Variants in SPOCK3 observed in about 807,000 individuals in gnomAD.
SPOCK3 encodes the protein testican-3.
SPOCK3 carries 30 observed loss-of-function variants against 56.6 expected under a neutral mutation model. The ratio of observed to expected loss-of-function variants is 0.53; its 90% CI spans 0.40 to 0.72. The LOEUF (loss-of-function observed/expected upper bound fraction) is 0.72, where lower values mean the gene tolerates loss of function less well. Ranked by LOEUF, SPOCK3 falls within the 30% of genes least tolerant of loss-of-function variation. The pLI is 0.00. For missense variants in SPOCK3, 527 were observed against 530.0 expected (o/e 0.99, Z 0.06); for synonymous variants, 196 against 183.3 (o/e 1.07, Z -0.56).
chr4:167,211,919 A>T (rs1239568859), intron 2 of SPOCK3, among the ~76,000 whole-genome samples: 1 of 152,218 alleles, frequency 6.6e-6, no homozygotes, highest in Non-Finnish European at 1.5e-5. Context: ...ATAAAACAGA[A>T]ACTTCAAGAC....
intron 7 of SPOCK3, among the ~76,000 whole-genome samples, chr4:166,783,679 G>A (rs1216097346): frequency 6.6e-6 from 1 of 152,030 alleles, no homozygotes; most frequent in Non-Finnish European, 1.5e-5. Context: ...TTCAAGGACT[G>A]CAGTCCTTGA....
intron 3 of SPOCK3, among the ~76,000 whole-genome samples, chr4:167,046,475 T>TA (rs1554025284): frequency 2.3e-5 from 3 of 133,156 alleles, no homozygotes; most frequent in Middle Eastern, 3.6e-3. Context: ...TTTTTTTTTT[T>TA]AACAAAGTCT....
intron 2 of SPOCK3, among the ~76,000 whole-genome samples, chr4:167,070,670 A>G (rs1756583692): frequency 6.6e-6 from 1 of 152,008 alleles, no homozygotes; most frequent in Non-Finnish European, 1.5e-5. Context: ...GAAATAGGTT[A>G]TATATTATGG....
intron 2 of SPOCK3, among the ~76,000 whole-genome samples, chr4:167,138,746 C>T (rs1300241934): frequency 6.6e-6 from 1 of 151,500 alleles, no homozygotes; most frequent in Admixed American, 6.6e-5. Flanking sequence ...GAAAAGATAC[C>T]CTAAAAAATG....
intron 4 of SPOCK3, among the ~76,000 whole-genome samples, chr4:166,931,337 T>TGGGGGGGG (rs34413695): frequency 9.6e-6 from 1 of 104,504 alleles, no homozygotes; most frequent in African/African-American, 3.7e-5. Flanking sequence ...GTGTGGGGGG[T>TGGGGGGGG]GGGGGGGCAA....
intron 3 of SPOCK3, 144 bp downstream of exon 3, chr4:167,062,348 A>C (rs35612453): frequency 2.0e-6 from 1 of 502,834 alleles, no homozygotes; most frequent in East Asian, 3.1e-5. Flanking sequence ...CTGAAATGTA[A>C]GTAATTATTG....
chr4:166,913,986 T>C (rs930485451), intron 4 of SPOCK3, among the ~76,000 whole-genome samples: 6 of 151,710 alleles, frequency 4.0e-5, no homozygotes, highest in African/African-American at 1.5e-4. Context: ...TAGTGAGAGA[T>C]AAAACAATGA....
intron 3 of SPOCK3, among the ~76,000 whole-genome samples, chr4:167,033,988 C>T (rs1385184491): frequency 2.0e-5 from 3 of 151,984 alleles, no homozygotes; most frequent in Non-Finnish European, 2.9e-5. Context: ...CTTCAGAGTC[C>T]TATCCCACAG....
intron 2 of SPOCK3, among the ~76,000 whole-genome samples, chr4:167,194,517 C>G (rs972468461): frequency 1.4e-4 from 22 of 152,274 alleles, no homozygotes; most frequent in Admixed American, 9.8e-4. Flanking sequence ...ATCCACGTAG[C>G]CTTTCACTGG....
At chr4:167,084,641 G>T (rs1184465236) in intron 2 of SPOCK3, among the ~76,000 whole-genome samples, 2 of 152,028 alleles carry the variant, frequency 1.3e-5, no homozygotes, top group East Asian at 3.9e-4. Flanking sequence ...TAGGAAGTGG[G>T]AAGTCTGGGA....
At chr4:167,159,620 A>T (rs1765111494) in intron 2 of SPOCK3, among the ~76,000 whole-genome samples, 1 of 152,172 alleles carries the variant, frequency 6.6e-6, no homozygotes, top group Admixed American at 6.6e-5. Flanking sequence ...TCCCTGATGA[A>T]CATTGATGCA....
chr4:166,929,884 T>G (rs1349025172), intron 4 of SPOCK3, among the ~76,000 whole-genome samples: 1 of 152,046 alleles, frequency 6.6e-6, no homozygotes, highest in Non-Finnish European at 1.5e-5. Context: ...ATTATATGTA[T>G]AATGTTTGCA....
At chr4:167,136,967 C>T (rs547488029) in intron 2 of SPOCK3, among the ~76,000 whole-genome samples, 4 of 152,106 alleles carry the variant, frequency 2.6e-5, no homozygotes. Context: ...TCCTGTGGCA[C>T]CTCAGTTCTC....
intron 6 of SPOCK3, among the ~76,000 whole-genome samples, chr4:166,805,394 C>T (rs1273004362): frequency 6.6e-6 from 1 of 151,822 alleles, no homozygotes; most frequent in Non-Finnish European, 1.5e-5. Flanking sequence ...GTTTTCTTTC[C>T]TACTTGATGG....
At chr4:166,880,582 A>T (rs1733585294) in intron 6 of SPOCK3, among the ~76,000 whole-genome samples, 1 of 152,172 alleles carries the variant, frequency 6.6e-6, no homozygotes, top group Non-Finnish European at 1.5e-5. Flanking sequence ...CCTTAAAAAC[A>T]CTGTGTCCAA....
chr4:167,101,196 T>C (rs1759607707), intron 2 of SPOCK3, among the ~76,000 whole-genome samples: 1 of 152,136 alleles, frequency 6.6e-6, no homozygotes, highest in Admixed American at 6.5e-5. Context: ...CCATCTGACT[T>C]CTCAAGAACT....
At chr4:167,098,474 T>C (rs949425603) in intron 2 of SPOCK3, among the ~76,000 whole-genome samples, 1 of 152,160 alleles carries the variant, frequency 6.6e-6, no homozygotes, top group African/African-American at 2.4e-5. Context: ...CCATCTAATC[T>C]ATCTATTATT....
chr4:167,191,478 C>T lies in SPOCK3; in HGVS notation c.189+42507G>A, dbSNP rs1172463535. On this transcript the variant is annotated intron_variant, in intron 2 of 10. Transcript: ENST00000357545. ...CTTTTTCAAATTCTTTCATCAATAT[C>T]TTAGTTTTCAGTGTATGGATTTTTC... is the stretch of plus-strand genomic sequence containing the variant. Among the ~76,000 whole-genome samples the T allele has an allele frequency of 2.1e-5, 3 of 145,300 alleles. 1 individual carries two copies. The highest frequency in any genetic ancestry group is 5.2e-5 in the African/African-American group (2 of 38,114).
intron 2 of SPOCK3, among the ~76,000 whole-genome samples, chr4:167,203,677 G>GA (rs991960233): frequency 6.6e-6 from 1 of 151,942 alleles, no homozygotes; most frequent in African/African-American, 2.4e-5. Context: ...CGACCTTGTA[G>GA]AAAAAACTAT....
Sources: allele counts gnomAD v4.1 joint callset (sites outside exome capture counted in the v4.1 genomes callset), GRCh38; gene constraint gnomAD v4.1.1; transcripts MANE v1.5; gene names NCBI Gene and HGNC (gene_info 2026-07-23, HGNC 2026-07-21).